The following SPATA3 variants were observed in gnomAD, a reference collection of about 807,000 sequenced individuals.
SPATA3 encodes the protein spermatogenesis associated 3, also known as spermatogenesis-associated protein 3.
Under a neutral mutation model 5.7 loss-of-function variants are expected in SPATA3, and 6 were observed. The ratio of observed to expected loss-of-function variants is 1.06; its 90% CI spans 0.58 to 2.09. The LOEUF (loss-of-function observed/expected upper bound fraction) is 2.09. Ranked by LOEUF, SPATA3 falls within the 30% of genes most tolerant of loss-of-function variation. SPATA3 has a pLI of 0.00. For missense variants in SPATA3, 155 were observed against 130.4 expected (o/e 1.19, Z -0.92); for synonymous variants, 44 against 48.4 (o/e 0.91, Z 0.37).
At chr2:231,018,122 A>C (rs1038756215) in intron 6 of SPATA3, among the ~76,000 whole-genome samples, 2 of 152,042 alleles carry the variant, frequency 1.3e-5, no homozygotes, top group Non-Finnish European at 2.9e-5. Flanking sequence ...ATGGGGTTTC[A>C]ACATGTTGGT....
intron 5 of SPATA3, chr2:231,013,834 CATAAA>C (rs886817278): frequency 6.6e-5 from 10 of 150,962 alleles, no homozygotes; most frequent in African/African-American, 1.5e-4. Context: ...TAATATCAGA[CATAAA>C]ATAAAGGGTA....
downstream of SPATA3, among the ~76,000 whole-genome samples, chr2:231,003,144 AG>A (rs1295791878): frequency 2.0e-5 from 3 of 152,150 alleles, no homozygotes; most frequent in African/African-American, 7.2e-5. Context: ...CTGCCTGGAA[AG>A]CTTGTCTCCT....
rs143160466 is a variant in SPATA3 at position 231,000,915 on chromosome 2, G to A, written c.962+378G>A. On this transcript the variant is annotated intron_variant, in intron 2 of 2. Coordinates refer to ENST00000645363, the Ensembl canonical transcript of SPATA3. ...AAACACTGTTTGGCCATGCACCTCC[G>A]TGGGCCCTCAGTGGCCTGTGTCATA... Among the ~76,000 whole-genome samples, 152 of 152,312 alleles carry A rather than the reference G, an allele frequency of 1.0e-3. 2 individuals carry two copies. The East Asian group carries it at 0.027, about 27-fold the overall frequency.
chr2:231,010,717 C>A (rs953039118), downstream of SPATA3, among the ~76,000 whole-genome samples: 1 of 151,906 alleles, frequency 6.6e-6, no homozygotes, highest in South Asian at 2.1e-4. Context: ...TAAGCTCCAG[C>A]GGAGTCTAGC....
intron 6 of SPATA3, among the ~76,000 whole-genome samples, chr2:231,015,257 CTTTTT>C (rs35102459): frequency 1.1e-5 from 1 of 94,128 alleles, no homozygotes; most frequent in African/African-American, 4.8e-5. Flanking sequence ...ATCGTTTTGG[CTTTTT>C]TTTTTTTTTT....
In SPATA3 at chr2:231,002,467, C is replaced by T. The variant is rs147807566; in HGVS notation, c.963-217C>T. Among the ~76,000 whole-genome samples the T allele has an allele frequency of 9.2e-5, 14 of 152,240 alleles. No homozygotes were observed. The East Asian group carries it at 2.7e-3, about 29-fold the overall frequency. ...TCTGAGTGTTCAGGGCAGCTAGCAT[C>T]CCAGGCCAGCTCACCCTCCGATCCT... On this transcript the variant is annotated intron_variant, in intron 2 of 2. Coordinates refer to ENST00000645363, the Ensembl canonical transcript of SPATA3.
rs79917151 is a variant in SPATA3, at chr2:231,013,122, C to T, written c.*226+425C>T. 4.7e-3 allele frequency among the ~76,000 whole-genome samples: 713 copies of T among 152,254 alleles called. 4 individuals carry two copies. The highest frequency in any genetic ancestry group is 5.7e-3 in the Non-Finnish European group (385 of 67,994). On this transcript the variant is annotated intron_variant, in intron 5 of 8. Transcript: ENST00000452881. Reference sequence around the variant, plus strand: ...CGCTTCTCTTCTGTCCTCAGACTTACCCCTTCTCCTCCCTGCTTCACCAGA... The same window carrying T: ...CGCTTCTCTTCTGTCCTCAGACTTATCCCTTCTCCTCCCTGCTTCACCAGA...
intron 5 of SPATA3, among the ~76,000 whole-genome samples, chr2:231,013,650 C>T (rs530613714): frequency 1.5e-3 from 232 of 152,264 alleles, no homozygotes; most frequent in African/African-American, 5.5e-3. Flanking sequence ...GCCACCATGC[C>T]TGGCTAATTT....
At chr2:230,997,758 T>C (rs1371111647) in intron 1 of SPATA3, among the ~76,000 whole-genome samples, 1 of 152,204 alleles carries the variant, frequency 6.6e-6, no homozygotes, top group African/African-American at 2.4e-5. Flanking sequence ...TAGAGGGAAT[T>C]CAAGTGGAGT....
At chr2:231,019,828 A>C (rs1161149409) in exon 7 of SPATA3, 1 of 150,992 alleles carries the variant, frequency 6.6e-6, no homozygotes, top group East Asian at 2.1e-4. Flanking sequence ...ATTGGGACCC[A>C]GAAACCAATA....
In SPATA3 at chr2:231,002,719, C is replaced by T. The variant is rs376293973; in HGVS notation, c.998C>T (p.Ala333Val). ...AGAAAACCCTCCAGTCATCGTAACG[C>T]GTGTCCTCCAAGCCCTCGGAACTGT... The change falls in exon 3 of 3, where the codon GCG becomes GTG. Residue 333 changes from alanine (A) to valine (V), a missense_variant. Ala to Val is a moderately conservative substitution (Grantham distance 64, BLOSUM62 0). Coordinates refer to ENST00000645363, the Ensembl canonical transcript of SPATA3. The T allele has an allele frequency of 4.2e-5, 64 of 1,531,810 alleles. No individual in the cohort carries two copies. In the African/African-American group the frequency reaches 6.0e-4, roughly 14 times the overall value. The allele number at this position is 1,531,810 out of a possible 1,614,324, so 94.9% of individuals were successfully genotyped here.
intron 6 of SPATA3, among the ~76,000 whole-genome samples, chr2:231,016,204 C>G (rs975978331): frequency 1.3e-5 from 2 of 152,200 alleles, no homozygotes; most frequent in African/African-American, 2.4e-5. Context: ...AGACAAGCCT[C>G]TAAATGAGTC....
At chr2:231,006,035 A>AG (rs1692612602), downstream of SPATA3, among the ~76,000 whole-genome samples, 1 of 151,620 alleles carries the variant, frequency 6.6e-6, no homozygotes, top group African/African-American at 2.4e-5. Context: ...GAAGAAAAAA[A>AG]GATTAAAAAA....
downstream of SPATA3, among the ~76,000 whole-genome samples, chr2:231,005,163 CCAT>C (rs1559197417): frequency 4.0e-5 from 2 of 50,396 alleles, no homozygotes; most frequent in African/African-American, 1.2e-4. Context: ...ATCACCATCA[CCAT>C]CATCACCATC....
At chr2:230,996,519 C>A (rs144302040) in intron 1 of SPATA3, 3 of 1,551,924 alleles carry the variant, frequency 1.9e-6, no homozygotes, top group Non-Finnish European at 2.6e-6. Flanking sequence ...GGCAGCCCCT[C>A]AATCCAGGAA....
downstream of SPATA3, among the ~76,000 whole-genome samples, chr2:231,011,508 C>T (rs1283822133): frequency 6.6e-6 from 1 of 152,176 alleles, no homozygotes; most frequent in African/African-American, 2.4e-5. Flanking sequence ...TCTGGTCTGT[C>T]CAGTCCACTG....
At chr2:231,004,321 A>T (rs2125104897), downstream of SPATA3, among the ~76,000 whole-genome samples, 1 of 152,254 alleles carries the variant, frequency 6.6e-6, no homozygotes. Context: ...AGGTGAGATA[A>T]GGTGTTAGAG....
chr2:231,010,152 C>T (rs1404076507), downstream of SPATA3, among the ~76,000 whole-genome samples: 1 of 152,198 alleles, frequency 6.6e-6, no homozygotes, highest in African/African-American at 2.4e-5. Flanking sequence ...TAAAGGTTCA[C>T]TGAAAACTCA....
At chr2:231,008,184 T>C (rs529569524), downstream of SPATA3, among the ~76,000 whole-genome samples, 2 of 152,244 alleles carry the variant, frequency 1.3e-5, no homozygotes, top group Admixed American at 1.3e-4. Flanking sequence ...GACAGGGAGC[T>C]GAGGCATTTG....
Sources: allele counts gnomAD v4.1 joint callset (sites outside exome capture counted in the v4.1 genomes callset), GRCh38; gene constraint gnomAD v4.1.1; transcripts MANE v1.5; gene names NCBI Gene and HGNC (gene_info 2026-07-23, HGNC 2026-07-21).